TGFBR3: variants seen among roughly 807,000 people sequenced by gnomAD.
The protein encoded by TGFBR3 is transforming growth factor beta receptor 3.
Under a neutral mutation model 87.9 loss-of-function variants are expected in TGFBR3, and 46 were observed. The ratio of observed to expected loss-of-function variants is 0.52; its 90% CI spans 0.41 to 0.67. The LOEUF (loss-of-function observed/expected upper bound fraction) is 0.67. Among genes scored for constraint, TGFBR3 ranks in the 30% least tolerant of loss-of-function variants. TGFBR3 has a pLI of 0.00. For missense variants in TGFBR3, 866 were observed against 1,041.9 expected, an observed-to-expected ratio of 0.83 and a Z score of 2.32; for synonymous variants, 381 against 391.6, an observed-to-expected ratio of 0.97 and a Z score of 0.32.
chr1:91,758,280 G>C (rs553664040), intron 4 of TGFBR3, among the ~76,000 whole-genome samples: 6 of 152,106 alleles, frequency 3.9e-5, no homozygotes, highest in Non-Finnish European at 7.4e-5. Context: ...CCGGTAGCCA[G>C]TTACAATATT....
chr1:91,811,790 A>G (rs1676039475), intron 2 of TGFBR3, among the ~76,000 whole-genome samples: 1 of 152,240 alleles, frequency 6.6e-6, no homozygotes, highest in South Asian at 2.1e-4. Context: ...GCTCAAGACG[A>G]AACTTTACAT....
rs547416186 is a variant in TGFBR3 at position 91,899,998 on chromosome 1, T to C, written c.-174-301A>G. On this transcript the variant is annotated intron_variant, in intron 1 of 17. Coordinates refer to the TGFBR3 transcript ENST00000370399. Reference sequence around the variant, plus strand: ...AAACAAAAAGAAACTTCTTTGACTTTTCTTGCACAGTTGACTTGAATTTTG... The same window carrying C: ...AAACAAAAAGAAACTTCTTTGACTTCTCTTGCACAGTTGACTTGAATTTTG... Among the ~76,000 whole-genome samples the C allele has an allele frequency of 4.6e-5, 7 of 152,326 alleles. No individual in the cohort carries two copies. In the South Asian group the frequency reaches 1.4e-3, roughly 32 times the overall value.
intron 4 of TGFBR3, among the ~76,000 whole-genome samples, chr1:91,743,118 C>T (rs904138758): frequency 2.0e-5 from 3 of 152,178 alleles, no homozygotes; most frequent in African/African-American, 7.2e-5. Context: ...GTACAAGTCC[C>T]AGCTAATGAG....
intron 2 of TGFBR3, among the ~76,000 whole-genome samples, chr1:91,853,652 A>C (rs908141929): frequency 1.6e-4 from 24 of 152,240 alleles, no homozygotes; most frequent in African/African-American, 5.8e-4. Context: ...CATTATGCTC[A>C]GAGAAATAAG....
chr1:91,719,555 G>C, intron 9 of TGFBR3, 91 bp from the exon 10 acceptor site: 1 of 1,542,904 alleles, frequency 6.5e-7, no homozygotes, highest in Non-Finnish European at 8.9e-7. Context: ...GGTCTTCCAA[G>C]GACAGGCGAT....
At chr1:91,841,751 G>C (rs1022910347) in intron 2 of TGFBR3, among the ~76,000 whole-genome samples, 1 of 141,506 alleles carries the variant, frequency 7.1e-6, no homozygotes, top group Non-Finnish European at 1.5e-5. Flanking sequence ...CTGAGATCAC[G>C]CCACTGCACT....
At position 91,695,741 on chromosome 1, in the gene TGFBR3, T is replaced by A. The variant is rs137909765; in HGVS notation, c.2368A>T (p.Ile790Phe). Reference protein sequence around the residue: ...HGLDTLTVMGIAFAAFVIGAL... With the variant: ...HGLDTLTVMGFAFAAFVIGAL... Reference sequence around the variant, plus strand: ...CCGATCACAAAGGCTGCAAACGCAATGCCCATCACGGTTAGGGTGTCCAGA... The same window carrying A: ...CCGATCACAAAGGCTGCAAACGCAAAGCCCATCACGGTTAGGGTGTCCAGA... Residue 790 changes from isoleucine to phenylalanine, a missense_variant, in exon 16 of 17, where the codon ATT becomes TTT. Transcript: ENST00000212355. 2,048 of 1,614,040 alleles carry A rather than the reference T, an allele frequency of 1.3e-3. 5 individuals are homozygous for A. Among genetic ancestry groups the A allele is most frequent in the Non-Finnish European group, 1.7e-3 (1,964 of 1,180,008 alleles).
At position 91,767,062 on chromosome 1, in the gene TGFBR3, T is replaced by A. The variant is rs1230662988; in HGVS notation, c.247-8312A>T. Among the ~76,000 whole-genome samples, 5 of 134,512 alleles carry A rather than the reference T, an allele frequency of 3.7e-5. 2 individuals are homozygous for A. The highest frequency in any genetic ancestry group is 1.4e-4 in the African/African-American group (5 of 35,890). 88.2% of individuals were successfully genotyped at this position (134,512 alleles called of 152,430 possible). A position where few individuals can be genotyped will look rare whatever the true frequency, so the allele number is the denominator to read the frequency against. On this transcript the variant is annotated intron_variant, in intron 3 of 16. Transcript: ENST00000212355. ...TGTACAATTAAACCTCTGTCTCTGC[T>A]GCAACCTGGTATCTCAGTGTATTGA... is the stretch of plus-strand genomic sequence containing the variant.
intron 2 of TGFBR3, among the ~76,000 whole-genome samples, chr1:91,807,413 T>C (rs773555612): frequency 6.6e-5 from 10 of 152,220 alleles, no homozygotes; most frequent in Non-Finnish European, 1.5e-4. Context: ...CCTAACAAAC[T>C]AACCCTCTTC....
intron 5 of TGFBR3, among the ~76,000 whole-genome samples, chr1:91,733,557 C>CT (rs1261397043): frequency 1.3e-5 from 2 of 152,194 alleles, no homozygotes; most frequent in Admixed American, 1.3e-4. Flanking sequence ...CTAACCCACC[C>CT]TTCCCTGTCT....
At chr1:91,743,681 T>G (rs1400795802) in intron 4 of TGFBR3, among the ~76,000 whole-genome samples, 2 of 152,254 alleles carry the variant, frequency 1.3e-5, no homozygotes, top group African/African-American at 4.8e-5. Context: ...AGATACTTGT[T>G]AAGTATTTGT....
intron 2 of TGFBR3, among the ~76,000 whole-genome samples, chr1:91,897,900 T>C (rs1679584270): frequency 6.6e-6 from 1 of 151,980 alleles, no homozygotes; most frequent in Non-Finnish European, 1.5e-5. Context: ...AGAAATAAAA[T>C]ATTACAGCCG....
At chr1:91,825,504 T>A (rs979153177) in intron 2 of TGFBR3, among the ~76,000 whole-genome samples, 2 of 152,206 alleles carry the variant, frequency 1.3e-5, no homozygotes, top group African/African-American at 4.8e-5. Context: ...AGGGAGAGAT[T>A]GCCAATGGAT....
Position 91,680,350 on chromosome 1 carries a change from C to T in TGFBR3, c.*3389G>A, listed in dbSNP as rs74103025. 0.017 allele frequency: 7,065 copies of T among 427,774 alleles called. 418 individuals are homozygous for T. Among genetic ancestry groups the T allele is most frequent in the African/African-American group, 0.13 (6,348 of 48,448 alleles). 26.5% of individuals were successfully genotyped at this position (427,774 alleles called of 1,614,324 possible). On this transcript the variant is annotated 3_prime_UTR_variant, in exon 17 of 17. Transcript: ENST00000212355. Reference sequence around the variant, plus strand: ...ATGATAACAAGACACATATTAATAACTGATATATATCTTTTTATTATGCAC... The same window carrying T: ...ATGATAACAAGACACATATTAATAATTGATATATATCTTTTTATTATGCAC...
rs139306280 is a variant in TGFBR3 at position 91,719,964 on chromosome 1, C to T, written c.1342G>A (p.Val448Met). 84 of 1,614,186 alleles carry T rather than the reference C, an allele frequency of 5.2e-5. 1 individual carries two copies. The highest frequency in any genetic ancestry group is 1.7e-4 in the Middle Eastern group (1 of 6,060). The change falls in exon 9 of 17, where the codon GTG becomes ATG. Residue 448 changes from valine (V) to methionine (M), a missense_variant. By Grantham distance (21) the Val-to-Met change is conservative. Transcript: ENST00000212355. ...LREPEEVQGS[V>M]DIALSVKCDN... is the part of the protein sequence containing the mutation. ...CATTTGACAGACAGGGCAATATCCA[C>T]GCTCCCTTGCACCTCTTCTGGCTCT...
At chr1:91,832,631 G>A (rs936418274) in intron 2 of TGFBR3, among the ~76,000 whole-genome samples, 1 of 152,164 alleles carries the variant, frequency 6.6e-6, no homozygotes. Context: ...CAGACAGCAG[G>A]GGGAAGGTAG....
intron 2 of TGFBR3, among the ~76,000 whole-genome samples, chr1:91,849,605 T>C (rs780267894): frequency 1.7e-4 from 26 of 152,354 alleles, no homozygotes; most frequent in East Asian, 3.9e-4. Context: ...CCTGCTGATA[T>C]ATGCATTTTG....
chr1:91,861,206 A>G (rs1027932190), intron 2 of TGFBR3, among the ~76,000 whole-genome samples: 1 of 152,110 alleles, frequency 6.6e-6, no homozygotes, highest in Non-Finnish European at 1.5e-5. Context: ...GTTTGAAACC[A>G]GCCTGAGCAA....
intron 2 of TGFBR3, among the ~76,000 whole-genome samples, chr1:91,859,003 C>T (rs868060627): frequency 3.4e-4 from 52 of 151,060 alleles, no homozygotes; most frequent in Admixed American, 2.0e-3. Flanking sequence ...TGCAGTGAGC[C>T]GAGATGGCAC....
Sources: allele counts gnomAD v4.1 joint callset (sites outside exome capture counted in the v4.1 genomes callset), GRCh38; gene constraint gnomAD v4.1.1; transcripts MANE v1.5; gene names NCBI Gene and HGNC (gene_info 2026-07-23, HGNC 2026-07-21).